Variants in AOPEP observed in about 807,000 individuals in gnomAD.
AOPEP encodes the protein aminopeptidase O.
Under a neutral mutation model 98.1 loss-of-function variants are expected in AOPEP, and 77 were observed. The ratio of observed to expected loss-of-function variants is 0.78; its 90% CI spans 0.65 to 0.95. AOPEP has a LOEUF of 0.95. Ranked by LOEUF, AOPEP falls within the 40% of genes least tolerant of loss-of-function variation. AOPEP has a pLI of 0.00. For missense variants in AOPEP, 1,024 were observed against 1,024.7 expected, an observed-to-expected ratio of 1.00 and a Z score of 0.01; for synonymous variants, 346 against 365.3, an observed-to-expected ratio of 0.95 and a Z score of 0.60.
chr9:94,729,754 G>A (rs555915105), intron 1 of AOPEP, among the ~76,000 whole-genome samples: 1 of 152,266 alleles, frequency 6.6e-6, no homozygotes, highest in South Asian at 2.1e-4. Flanking sequence ...AATCAAAAAT[G>A]TCTCAAGACG....
chr9:95,148,744 A>C, the AOPEP span, among the ~76,000 whole-genome samples: 1 of 152,278 alleles, frequency 6.6e-6, no homozygotes, highest in African/African-American at 2.4e-5. Flanking sequence ...AGATCCATTG[A>C]AAGTGCAAGA....
chr9:94,865,043 CTA>C (rs1454469812), intron 5 of AOPEP, among the ~76,000 whole-genome samples: 2 of 152,184 alleles, frequency 1.3e-5, no homozygotes, highest in Non-Finnish European at 2.9e-5. Flanking sequence ...TTTCTAGTGT[CTA>C]ACACTAATTT....
intron 7 of AOPEP, among the ~76,000 whole-genome samples, chr9:94,951,791 T>C (rs1444197750): frequency 6.6e-6 from 1 of 152,226 alleles, no homozygotes; most frequent in African/African-American, 2.4e-5. Flanking sequence ...CACAGAATCC[T>C]GGTTTGCTGC....
intron 7 of AOPEP, among the ~76,000 whole-genome samples, chr9:94,929,286 C>T (rs766210793): frequency 2.0e-5 from 3 of 152,196 alleles, no homozygotes; most frequent in African/African-American, 7.2e-5. Flanking sequence ...CTCTCCTCGC[C>T]TGTTCTTAGA....
intron 3 of AOPEP, among the ~76,000 whole-genome samples, chr9:94,792,541 C>A (rs1348022383): frequency 6.6e-6 from 1 of 152,076 alleles, no homozygotes; most frequent in African/African-American, 2.4e-5. Context: ...TCAAACTGAT[C>A]CGTGGAAGAG....
At chr9:94,813,962 G>A (rs1157510434) in intron 5 of AOPEP, among the ~76,000 whole-genome samples, 1 of 152,234 alleles carries the variant, frequency 6.6e-6, no homozygotes, top group African/African-American at 2.4e-5. Flanking sequence ...CTCAAGAAAA[G>A]GGAGTTTGGT....
At chr9:95,016,245 ATTTTTTTTTT>A in intron 13 of AOPEP, among the ~76,000 whole-genome samples, 1 of 123,638 alleles carries the variant, frequency 8.1e-6, no homozygotes, top group Admixed American at 9.2e-5. Context: ...TTCTCTTGTG[ATTTTTTTTTT>A]TTTTTTTTTG....
chr9:94,862,926 C>T (rs1435374889), intron 5 of AOPEP, among the ~76,000 whole-genome samples: 1 of 152,170 alleles, frequency 6.6e-6, no homozygotes, highest in African/African-American at 2.4e-5. Context: ...CTTGATCATT[C>T]ACTAGAAAAG....
At chr9:94,776,105 A>G (rs187614048) in intron 3 of AOPEP, among the ~76,000 whole-genome samples, 2 of 152,214 alleles carry the variant, frequency 1.3e-5, no homozygotes, top group East Asian at 1.9e-4. Flanking sequence ...TCTTACCTCT[A>G]TTTCCCAGAC....
chr9:94,952,367 C>G (rs999008122), intron 7 of AOPEP, among the ~76,000 whole-genome samples: 11 of 152,222 alleles, frequency 7.2e-5, no homozygotes, highest in African/African-American at 2.7e-4. Context: ...AAAGTACATT[C>G]AGATCAATCT....
intron 3 of AOPEP, among the ~76,000 whole-genome samples, chr9:94,779,815 A>G (rs1011569769): frequency 6.6e-6 from 1 of 152,168 alleles, no homozygotes; most frequent in Non-Finnish European, 1.5e-5. Context: ...GAGCCACAAA[A>G]TAATCCAGTT....
intron 4 of AOPEP, among the ~76,000 whole-genome samples, chr9:94,799,691 C>A (rs193299254): frequency 1.3e-5 from 2 of 151,952 alleles, no homozygotes; most frequent in African/African-American, 2.4e-5. Context: ...GGTAAAACCC[C>A]GTCTCTACTA....
intron 3 of AOPEP, among the ~76,000 whole-genome samples, chr9:94,783,343 A>G (rs1843696066): frequency 6.6e-6 from 1 of 152,230 alleles, no homozygotes; most frequent in South Asian, 2.1e-4. Context: ...CTTGCTGGGT[A>G]GCATCAGTGC....
the AOPEP span, chr9:95,107,022 GAGCAGA>G: frequency 4.4e-5 from 71 of 1,600,296 alleles, no homozygotes; most frequent in Non-Finnish European, 5.5e-5. Context: ...CTCTCGCCTG[GAGCAGA>G]AATGAGTACT....
chr9:94,728,239 G>GCGCGCGCGCGCGCACACACACACACACA lies in AOPEP; in HGVS notation c.-136+1489_-136+1490insGCGCGCGCGCGCACACACACACACACAC, dbSNP rs113657409. ...TGTGATCCTTCCTGCGTGCGCGCAT[G>GCGCGCGCGCGCGCACACACACACACACA]CACACACACACACACACACACACAC... On this transcript the variant is annotated intron_variant, in intron 1 of 16. Coordinates refer to ENST00000375315, the MANE Select transcript of AOPEP (RefSeq NM_001193329.3). Among the ~76,000 whole-genome samples, 796 of 146,562 alleles carry GCGCGCGCGCGCGCACACACACACACACA rather than the reference G, an allele frequency of 5.4e-3. 6 individuals are homozygous for GCGCGCGCGCGCGCACACACACACACACA. The highest frequency in any genetic ancestry group is 0.013 in the Admixed American group (189 of 14,604).
At chr9:95,099,515 G>C in the AOPEP span, 127 of 229,330 alleles carry the variant, frequency 5.5e-4, no homozygotes, top group Admixed American at 1.5e-3. Context: ...GGCAACAAGA[G>C]GGGGAGGTGG....
chr9:94,829,667 C>CTCACCCTGGCCACATGTCAGATATGT (rs796403090), intron 5 of AOPEP, among the ~76,000 whole-genome samples: 2 of 152,140 alleles, frequency 1.3e-5, no homozygotes, highest in African/African-American at 2.4e-5. Context: ...GTCCCCTCCA[C>CTCACCCTGGCCACATGTCAGATATGT]TCACCCTGGC....
At chr9:95,119,581 G>C in the AOPEP span, among the ~76,000 whole-genome samples, 1 of 152,066 alleles carries the variant, frequency 6.6e-6, no homozygotes, top group Non-Finnish European at 1.5e-5. Context: ...GGCCAGGATG[G>C]TCTTGATCTC....
intron 10 of AOPEP, among the ~76,000 whole-genome samples, chr9:94,977,552 G>C (rs2059926573): frequency 6.6e-6 from 1 of 152,106 alleles, no homozygotes; most frequent in African/African-American, 2.4e-5. Flanking sequence ...CTCATAGAAG[G>C]TGCTCTGAGA....
Sources: gnomAD v4.1 joint callset for allele counts (sites outside exome capture counted in the v4.1 genomes callset) on GRCh38, gnomAD v4.1.1 for gene constraint, MANE v1.5 for transcripts, NCBI Gene and HGNC (gene_info 2026-07-23, HGNC 2026-07-21) for gene names.